The following DTNBP1 variants were observed in gnomAD, a reference collection of about 807,000 sequenced individuals.
DTNBP1 encodes the protein dystrobrevin binding protein 1, also known as dysbindin.
Under a neutral mutation model 42.8 loss-of-function variants are expected in DTNBP1, and 35 were observed. The ratio of observed to expected loss-of-function variants is 0.82; its 90% CI spans 0.63 to 1.09. The LOEUF (loss-of-function observed/expected upper bound fraction) is 1.09, where lower values mean the gene tolerates loss of function less well. Ranked by LOEUF, DTNBP1 falls within the 50% of genes least tolerant of loss-of-function variation. DTNBP1 has a pLI of 0.00. For synonymous variants in DTNBP1, 171 were observed against 162.2 expected (o/e 1.05, Z -0.41); for missense variants, 457 against 424.2 (o/e 1.08, Z -0.68).
chr6:15,661,431 G>A (rs1377736911), intron 1 of DTNBP1, among the ~76,000 whole-genome samples: 2 of 152,122 alleles, frequency 1.3e-5, no homozygotes, highest in African/African-American at 4.8e-5. Context: ...AGGCCAAGGC[G>A]GGAGGATCAC....
chr6:15,537,731 A>G (rs190301862), intron 7 of DTNBP1, among the ~76,000 whole-genome samples: 1 of 151,620 alleles, frequency 6.6e-6, no homozygotes, highest in Non-Finnish European at 1.5e-5. Flanking sequence ...CCACGCTCAC[A>G]CTCTCTCCTA....
Position 15,524,578 on chromosome 6 carries a change from G to C in DTNBP1, c.759C>G (p.Asp253Glu). Reference protein sequence around the residue: ...LMDISDQEALDVFLNSGGEEN... With the variant: ...LMDISDQEALEVFLNSGGEEN... ...CTTCTCCTCCAGAGTTCAGGAAGAC[G>C]TCCAGGGCCTCCTGGTCCGATATGT... The change falls in exon 9 of 10, where the codon GAC becomes GAG. Residue 253 changes from aspartate to glutamate, a missense_variant. Asp to Glu is a conservative substitution (Grantham distance 45). Coordinates refer to ENST00000344537, the MANE Select transcript of DTNBP1 (RefSeq NM_032122.5). 6.2e-7 allele frequency: 1 copy of C among 1,612,636 alleles called. No homozygotes were observed. The highest frequency in any genetic ancestry group is 8.5e-7 in the Non-Finnish European group (1 of 1,179,254).
intron 6 of DTNBP1, among the ~76,000 whole-genome samples, chr6:15,598,442 T>C (rs1403722534): frequency 1.3e-5 from 2 of 152,202 alleles, no homozygotes; most frequent in Non-Finnish European, 1.5e-5. Context: ...TTTTTCTTCA[T>C]GTGTAGAAAT....
chr6:15,550,391 A>C (rs899787590), intron 7 of DTNBP1, among the ~76,000 whole-genome samples: 9 of 152,200 alleles, frequency 5.9e-5, no homozygotes, highest in African/African-American at 1.9e-4. Context: ...ATAGCTTTGA[A>C]TTTTGTTTCC....
intron 1 of DTNBP1, chr6:15,660,540 A>C (rs73373670): frequency 1.6e-6 from 2 of 1,289,632 alleles, no homozygotes; most frequent in East Asian, 5.5e-5. Flanking sequence ...GAGAAAGCCA[A>C]CAAAAGACCT....
At position 15,570,014 on chromosome 6, in the gene DTNBP1, C is replaced by T. The variant is rs187837039; in HGVS notation, c.511+23045G>A. Among the ~76,000 whole-genome samples the T allele has an allele frequency of 3.1e-3, 475 of 152,190 alleles. 2 individuals carry two copies. The highest frequency in any genetic ancestry group is 2.1e-3 in the Non-Finnish European group (141 of 68,006). ...CACCCCTTCTCTGTATATGTGCATG[C>T]GTATGTATACCTGTGTGTACATACA... On this transcript the variant is annotated intron_variant, in intron 7 of 9. Coordinates refer to ENST00000344537, the MANE Select transcript of DTNBP1 (RefSeq NM_032122.5).
At chr6:15,583,523 C>G (rs897766639) in intron 7 of DTNBP1, among the ~76,000 whole-genome samples, 15 of 152,210 alleles carry the variant, frequency 9.9e-5, no homozygotes, top group African/African-American at 3.4e-4. Context: ...GCACACACCT[C>G]TAAAAAGCTA....
rs369320800 is a variant in DTNBP1 at position 15,528,820 on chromosome 6, C to T, written c.668-4151G>A. Among the ~76,000 whole-genome samples the T allele has an allele frequency of 5.3e-5, 8 of 152,308 alleles. No homozygotes were observed. In the East Asian group the frequency reaches 1.4e-3, roughly 26 times the overall value. On this transcript the variant is annotated intron_variant, in intron 8 of 9. Transcript: ENST00000344537. Reference sequence around the variant, plus strand: ...GGTTTCCAAAGTGTGGTCCCCTCAGCATCACCTGGTAACTTGGTTATAATG... The same window carrying T: ...GGTTTCCAAAGTGTGGTCCCCTCAGTATCACCTGGTAACTTGGTTATAATG...
chr6:15,615,869 C>G (rs1758688002), intron 5 of DTNBP1, among the ~76,000 whole-genome samples: 1 of 152,196 alleles, frequency 6.6e-6, no homozygotes, highest in South Asian at 2.1e-4. Context: ...ATCACATACA[C>G]AAATCTTCAA....
chr6:15,554,523 G>A (rs1436028540), intron 7 of DTNBP1, among the ~76,000 whole-genome samples: 2 of 152,152 alleles, frequency 1.3e-5, no homozygotes, highest in East Asian at 3.9e-4. Flanking sequence ...TTCTCATGAA[G>A]GGTTGCAGCC....
At chr6:15,564,417 G>A in intron 7 of DTNBP1, among the ~76,000 whole-genome samples, 1 of 149,846 alleles carries the variant, frequency 6.7e-6, no homozygotes, top group East Asian at 2.0e-4. Context: ...CTTTTTTTTT[G>A]ATTTTTTTGA....
In DTNBP1 at chr6:15,523,203, G is replaced by A; in HGVS notation, c.828C>T (p.Thr276=). 6.2e-7 allele frequency: 1 copy of A among 1,614,222 alleles called. No homozygotes were observed. The highest frequency in any genetic ancestry group is 8.5e-7 in the Non-Finnish European group (1 of 1,180,032). ...CCTGGAGGGTAATCTCATTCTGACA[G>A]GTACTGGATTCAGGCCCTGCAAAAT... ...LSPALGPESS[T]CQNEITLQVP... The change falls in exon 10 of 10, where the codon ACC becomes ACT. Residue 276 remains threonine, a synonymous_variant. Coordinates refer to ENST00000344537, the MANE Select transcript of DTNBP1 (RefSeq NM_032122.5).
intron 1 of DTNBP1, among the ~76,000 whole-genome samples, chr6:15,653,098 T>C (rs1761102443): frequency 6.6e-6 from 1 of 152,264 alleles, no homozygotes; most frequent in African/African-American, 2.4e-5. Flanking sequence ...AAGTAGATGC[T>C]ACCCAGGCCT....
chr6:15,633,502 G>A (rs1020213430), intron 4 of DTNBP1, among the ~76,000 whole-genome samples: 2 of 152,066 alleles, frequency 1.3e-5, no homozygotes, highest in Non-Finnish European at 2.9e-5. Context: ...CTCCAAATGC[G>A]GTAAAAATAG....
intron 5 of DTNBP1, among the ~76,000 whole-genome samples, chr6:15,617,156 G>A (rs1364712736): frequency 6.6e-6 from 1 of 152,106 alleles, no homozygotes; most frequent in Non-Finnish European, 1.5e-5. Flanking sequence ...GAGCCTAGGA[G>A]TTTCAGATCA....
At chr6:15,651,184 A>G in intron 3 of DTNBP1, 129 bp downstream of exon 3, 3 of 857,944 alleles carry the variant, frequency 3.5e-6, no homozygotes, top group Admixed American at 2.2e-5. Context: ...TAATACATAA[A>G]TAATTTCCAA....
rs1042685614 is a variant in DTNBP1 at position 15,532,830 on chromosome 6, G to A, written c.667+410C>T. 4.0e-5 allele frequency among the ~76,000 whole-genome samples: 6 copies of A among 150,030 alleles called. No homozygotes were observed. In the Admixed American group the frequency reaches 4.0e-4, roughly 10 times the overall value. On this transcript the variant is annotated intron_variant, in intron 8 of 9. Transcript: ENST00000344537. ...TTCCCGTGCTTCAGCCTCCTGAGTA[G>A]CTGGGATTAGAGACACGCGCCACCA...
At chr6:15,637,106 G>C (rs1199137173) in intron 4 of DTNBP1, among the ~76,000 whole-genome samples, 1 of 152,018 alleles carries the variant, frequency 6.6e-6, no homozygotes, top group East Asian at 1.9e-4. Context: ...AAATGGTAAA[G>C]AAAATCAGTC....
intron 9 of DTNBP1, chr6:15,524,265 A>G (rs1294507401): frequency 6.5e-7 from 1 of 1,536,410 alleles, no homozygotes; most frequent in Admixed American, 1.7e-5. Context: ...AAGGAGGGAA[A>G]ACAAACAAGA....
Sources: allele counts gnomAD v4.1 joint callset (sites outside exome capture counted in the v4.1 genomes callset), GRCh38; gene constraint gnomAD v4.1.1; transcripts MANE v1.5; gene names NCBI Gene and HGNC (gene_info 2026-07-23, HGNC 2026-07-21).